Variants in PTPRD observed in about 807,000 individuals in gnomAD.
The protein encoded by PTPRD is protein tyrosine phosphatase receptor type D.
PTPRD carries 34 observed loss-of-function variants against 214.5 expected under a neutral mutation model. The observed-to-expected ratio is 0.16, with a 90% CI of 0.12 to 0.21. The LOEUF (loss-of-function observed/expected upper bound fraction) is 0.21. Ranked by LOEUF, PTPRD falls within the 10% of genes least tolerant of loss-of-function variation. The pLI is 1.00. For synonymous variants in PTPRD, 1,128 were observed against 845.7 expected (o/e 1.33, Z -5.79); for missense variants, 2,545 against 2,398.7 (o/e 1.06, Z -1.27).
chr9:8,896,956 T>A (rs914222769), intron 11 of PTPRD, among the ~76,000 whole-genome samples: 5 of 152,200 alleles, frequency 3.3e-5, no homozygotes, highest in African/African-American at 1.2e-4. Flanking sequence ...TAATTTTATA[T>A]AGGTAACTGA....
At chr9:10,449,066 T>A (rs557486427) in intron 2 of PTPRD, among the ~76,000 whole-genome samples, 1 of 151,136 alleles carries the variant, frequency 6.6e-6, no homozygotes, top group Non-Finnish European at 1.5e-5. Flanking sequence ...TCTCCCACTT[T>A]CCACGGTCTC....
At chr9:10,137,474 T>C (rs2098950191) in intron 3 of PTPRD, among the ~76,000 whole-genome samples, 1 of 59,572 alleles carries the variant, frequency 1.7e-5, no homozygotes, top group Non-Finnish European at 3.0e-5. Context: ...CACCGCATAT[T>C]CTCACTCATA....
intron 10 of PTPRD, among the ~76,000 whole-genome samples, chr9:9,129,158 GGCGGGTTGAT>G (rs2099838704): frequency 6.6e-6 from 1 of 152,212 alleles, no homozygotes. Context: ...GGGAGGCCGA[GGCGGGTTGAT>G]CACCTGAGGT....
intron 11 of PTPRD, among the ~76,000 whole-genome samples, chr9:8,886,906 G>A (rs968343665): frequency 6.6e-6 from 1 of 152,106 alleles, no homozygotes; most frequent in African/African-American, 2.4e-5. Context: ...TATTTTGTTC[G>A]GTTCATGGTA....
intron 2 of PTPRD, among the ~76,000 whole-genome samples, chr9:10,383,786 C>G (rs1307255382): frequency 6.6e-6 from 1 of 151,722 alleles, no homozygotes; most frequent in Non-Finnish European, 1.5e-5. Flanking sequence ...ACGTCTGACT[C>G]TAATCATAAG....
intron 5 of PTPRD, among the ~76,000 whole-genome samples, chr9:9,806,404 T>C (rs2153526229): frequency 6.6e-6 from 1 of 152,290 alleles, no homozygotes; most frequent in Admixed American, 6.5e-5. Context: ...ATGTACTTTG[T>C]GATATTCCCA....
intron 2 of PTPRD, among the ~76,000 whole-genome samples, chr9:10,606,093 T>C (rs957821591): frequency 5.3e-5 from 8 of 151,854 alleles, no homozygotes; most frequent in African/African-American, 1.2e-4. Flanking sequence ...GGAATTACTA[T>C]GGTTCATGAA....
At chr9:9,039,984 T>TA (rs902289679) in intron 10 of PTPRD, among the ~76,000 whole-genome samples, 1 of 151,624 alleles carries the variant, frequency 6.6e-6, no homozygotes, top group African/African-American at 2.4e-5. Flanking sequence ...CCTGTGCATT[T>TA]TTTTTTTTCT....
chr9:10,576,671 C>CAT (rs3076469), intron 2 of PTPRD, among the ~76,000 whole-genome samples: 78,415 of 151,698 alleles, frequency 0.52, 20,589 homozygotes, highest in African/African-American at 0.62. Flanking sequence ...GTTGAGAAAA[C>CAT]ATAAAAAATA....
chr9:8,774,058 C>A (rs2095355643), intron 11 of PTPRD, among the ~76,000 whole-genome samples: 1 of 152,158 alleles, frequency 6.6e-6, no homozygotes, highest in African/African-American at 2.4e-5. Context: ...GTGCCCATTA[C>A]TTTGTACCAC....
intron 10 of PTPRD, among the ~76,000 whole-genome samples, chr9:9,140,572 G>T (rs1219211412): frequency 1.3e-5 from 2 of 152,120 alleles, no homozygotes; most frequent in Non-Finnish European, 2.9e-5. Flanking sequence ...GACAGAAACA[G>T]TGCTACATCT....
intron 14 of PTPRD, among the ~76,000 whole-genome samples, chr9:8,593,718 C>G (rs1226372415): frequency 6.6e-6 from 1 of 152,158 alleles, no homozygotes; most frequent in Non-Finnish European, 1.5e-5. Context: ...AATGAAAGAG[C>G]TGTTTAGTAT....
chr9:10,188,716 T>G (rs753752088), intron 3 of PTPRD, among the ~76,000 whole-genome samples: 21 of 152,124 alleles, frequency 1.4e-4, no homozygotes, highest in Non-Finnish European at 2.5e-4. Context: ...GCATGGTAGG[T>G]TTTATTTAGA....
At chr9:9,731,126 G>T (rs936316439) in intron 7 of PTPRD, among the ~76,000 whole-genome samples, 6 of 152,154 alleles carry the variant, frequency 3.9e-5, no homozygotes, top group East Asian at 1.9e-4. Context: ...TGTAGGAAGT[G>T]TCAGTTCTTT....
At chr9:10,458,995 A>G (rs2098938120) in intron 2 of PTPRD, among the ~76,000 whole-genome samples, 1 of 151,992 alleles carries the variant, frequency 6.6e-6, no homozygotes, top group Admixed American at 6.6e-5. Flanking sequence ...GGTTTGCTGC[A>G]CCTATCAACC....
chr9:9,697,850 T>A (rs2097410631), intron 7 of PTPRD, among the ~76,000 whole-genome samples: 1 of 152,216 alleles, frequency 6.6e-6, no homozygotes, highest in African/African-American at 2.4e-5. Flanking sequence ...CTTTATTCAT[T>A]ATTTTTCCTC....
chr9:10,141,650 C>T (rs2098986049), intron 3 of PTPRD, among the ~76,000 whole-genome samples: 1 of 151,954 alleles, frequency 6.6e-6, no homozygotes, highest in Non-Finnish European at 1.5e-5. Flanking sequence ...TAGGAACAAT[C>T]AATATCGTGA....
intron 3 of PTPRD, among the ~76,000 whole-genome samples, chr9:10,218,216 T>C (rs2099550587): frequency 2.6e-5 from 4 of 151,838 alleles, no homozygotes; most frequent in Non-Finnish European, 5.9e-5. Context: ...GACTTAAAAA[T>C]ACAAATAATG....
At chr9:10,070,349 T>G (rs1484688531) in intron 3 of PTPRD, among the ~76,000 whole-genome samples, 1 of 152,076 alleles carries the variant, frequency 6.6e-6, no homozygotes, top group South Asian at 2.1e-4. Flanking sequence ...TATAAAGTTT[T>G]TCTCTAACCT....
Sources: allele counts gnomAD v4.1 joint callset (sites outside exome capture counted in the v4.1 genomes callset), GRCh38; gene constraint gnomAD v4.1.1; transcripts MANE v1.5; gene names NCBI Gene and HGNC (gene_info 2026-07-23, HGNC 2026-07-21).